INTS6L: variants seen among roughly 807,000 people sequenced by gnomAD.
The protein encoded by INTS6L is integrator complex subunit 6 like, also known as integrator complex subunit 6-like.
Under a neutral mutation model 64.7 loss-of-function variants are expected in INTS6L, and 18 were observed. That is an observed-to-expected ratio of 0.28 (90% CI 0.19 to 0.41). INTS6L has a LOEUF of 0.41. Among genes scored for constraint, INTS6L ranks in the 10% least tolerant of loss-of-function variants. The pLI is 1.00. For synonymous variants in INTS6L, 227 were observed against 235.9 expected (o/e 0.96, Z 0.34); for missense variants, 533 against 661.0 (o/e 0.81, Z 2.12).
intron 2 of INTS6L, among the ~76,000 whole-genome samples, chrX:135,539,599 C>T (rs1468211042): frequency 2.7e-5 from 3 of 112,331 alleles, no homozygotes; most frequent in Admixed American, 1.9e-4. Flanking sequence ...GTATTCACAA[C>T]GTGGCTAACT....
In INTS6L at chrX:135,579,791, C is replaced by G; in HGVS notation, c.2123C>G (p.Ala708Gly). 8.5e-7 allele frequency: 1 copy of G among 1,180,665 alleles called. No individual in the cohort carries two copies. Among genetic ancestry groups the G allele is most frequent in the Non-Finnish European group, 1.1e-6 (1 of 878,547 alleles). Residue 708 changes from alanine to glycine, a missense_variant, in exon 16 of 18, where the codon GCT becomes GGT. Physicochemically the swap from Ala to Gly is moderately conservative, Grantham distance 60. Coordinates refer to ENST00000639893, the MANE Select transcript of INTS6L (RefSeq NM_001351601.3). Reference sequence around the variant, plus strand: ...AACCTCTTCATTTGGTTTCCAGATGCTACTATCATTCACGATGGCCATGAG... The same window carrying G: ...AACCTCTTCATTTGGTTTCCAGATGGTACTATCATTCACGATGGCCATGAG... ...LIKPTLVHTD[A>G]TIIHDGHEEK...
At chrX:135,539,202 T>C (rs2086130740) in intron 2 of INTS6L, among the ~76,000 whole-genome samples, 1 of 112,637 alleles carries the variant, frequency 8.9e-6, no homozygotes, top group Admixed American at 9.4e-5. Flanking sequence ...TCATCTACAT[T>C]GAAAATCTGT....
At chrX:135,523,818 A>G (rs2085657845) in intron 2 of INTS6L, among the ~76,000 whole-genome samples, 1 of 112,196 alleles carries the variant, frequency 8.9e-6, no homozygotes, top group Non-Finnish European at 1.9e-5. Flanking sequence ...CTTATATACT[A>G]CATTTTTTTC....
intron 14 of INTS6L, among the ~76,000 whole-genome samples, chrX:135,576,482 T>C (rs1035080993): frequency 8.9e-5 from 10 of 111,999 alleles, no homozygotes; most frequent in Non-Finnish European, 1.9e-5. Flanking sequence ...AAAAAATCTT[T>C]TGGAAAAGCC....
chrX:135,574,761 G>A (rs1209497284), intron 13 of INTS6L, among the ~76,000 whole-genome samples: 1 of 111,919 alleles, frequency 8.9e-6, no homozygotes, highest in East Asian at 2.8e-4. Flanking sequence ...ATGCCATAGA[G>A]ACTAGACTCT....
Position 135,563,633 on chromosome X carries a change from G to GTA in INTS6L, c.1193-5681_1193-5680dup, listed in dbSNP as rs1221791167. On this transcript the variant is annotated intron_variant, in intron 9 of 17. Coordinates refer to ENST00000639893, the MANE Select transcript of INTS6L (RefSeq NM_001351601.3). ...TATATATCCATATGTGTGTGTGTGT[G>GTA]TATATATATATATATATATATATAG... 1.4e-3 allele frequency among the ~76,000 whole-genome samples: 15 copies of GTA among 10,386 alleles called. 1 individual carries two copies. Among genetic ancestry groups the GTA allele is most frequent in the African/African-American group, 2.6e-3 (14 of 5,431 alleles). The allele number at this position is 10,386 out of a possible 115,157, so 9.0% of individuals were successfully genotyped here.
In INTS6L at chrX:135,553,101, CAT is replaced by C. The variant is rs782564126; in HGVS notation, c.1059+957_1059+958del. On this transcript the variant is annotated intron_variant, in intron 8 of 17. Transcript: ENST00000639893. ...ACAAGAAACAGAATAATCTCACAAA[CAT>C]AATACTGAGCAAAGAAGCTAGACAG... 6.2e-5 allele frequency among the ~76,000 whole-genome samples: 7 copies of C among 112,023 alleles called. No homozygotes were observed. The South Asian group carries it at 2.6e-3, about 41-fold the overall frequency.
At chrX:135,543,490 G>C (rs1372951744) in intron 2 of INTS6L, among the ~76,000 whole-genome samples, 1 of 111,687 alleles carries the variant, frequency 9.0e-6, no homozygotes, top group Non-Finnish European at 1.9e-5. Context: ...CTTTCAGTGA[G>C]AAGCCTTCCC....
At chrX:135,544,930 C>G (rs2086316161) in intron 2 of INTS6L, among the ~76,000 whole-genome samples, 1 of 112,210 alleles carries the variant, frequency 8.9e-6, no homozygotes, top group Admixed American at 9.5e-5. Context: ...TGGCTCTATT[C>G]CTATTACTCC....
chrX:135,568,564 T>G (rs1285978228), intron 9 of INTS6L, among the ~76,000 whole-genome samples: 2 of 111,383 alleles, frequency 1.8e-5, no homozygotes, highest in Non-Finnish European at 3.8e-5. Flanking sequence ...TATTATGTTT[T>G]TTTGAGACAC....
chrX:135,579,791 C>A lies in INTS6L; in HGVS notation c.2123C>A (p.Ala708Asp), dbSNP rs782246423. The change falls in exon 16 of 18, where the codon GCT becomes GAT. Residue 708 changes from alanine (A) to aspartate (D), a missense_variant. By Grantham distance (126) the Ala-to-Asp change is moderately radical (BLOSUM62 -2). Coordinates refer to ENST00000639893, the MANE Select transcript of INTS6L (RefSeq NM_001351601.3). ...AACCTCTTCATTTGGTTTCCAGATG[C>A]TACTATCATTCACGATGGCCATGAG... ...LIKPTLVHTDATIIHDGHEEK... is the reference protein window; with the variant it reads ...LIKPTLVHTDDTIIHDGHEEK... The A allele has an allele frequency of 1.3e-5, 15 of 1,178,845 alleles. No individual in the cohort carries two copies. In the East Asian group the frequency reaches 2.1e-4, roughly 16 times the overall value.
At position 135,581,657 on chromosome X, in the gene INTS6L, A is replaced by C. The variant is rs782642039; in HGVS notation, c.*21A>C. 12 of 1,157,489 alleles carry C rather than the reference A, an allele frequency of 1.0e-5. No individual in the cohort carries two copies. The Middle Eastern group carries it at 2.1e-3, about 207-fold the overall frequency. The stretch of plus-strand genomic sequence containing the variant: ...GTTAGTGCAAAGACCAGTGAGAAAA[A>C]AATGACAAGTTTTCTGTGCTGTAGG... On this transcript the variant is annotated 3_prime_UTR_variant, in exon 18 of 18. Transcript: ENST00000639893.
intron 8 of INTS6L, 120 bp from the exon 9 acceptor site, chrX:135,556,048 T>C: frequency 1.4e-6 from 1 of 737,342 alleles, no homozygotes; most frequent in Non-Finnish European, 1.9e-6. Context: ...AAAACACTAT[T>C]GCTATTTTAA....
chrX:135,543,708 C>A (rs1435404263), intron 2 of INTS6L, among the ~76,000 whole-genome samples: 3 of 112,092 alleles, frequency 2.7e-5, no homozygotes, highest in African/African-American at 9.7e-5. Context: ...TCTCTTCTAC[C>A]CCAAAGAAGA....
At chrX:135,529,771 G>A (rs1197394244) in intron 2 of INTS6L, among the ~76,000 whole-genome samples, 1 of 112,221 alleles carries the variant, frequency 8.9e-6, no homozygotes, top group Non-Finnish European at 1.9e-5. Flanking sequence ...GAACAATCAC[G>A]AAATAGCCTT....
At chrX:135,533,618 A>G (rs782516666) in intron 2 of INTS6L, among the ~76,000 whole-genome samples, 24 of 110,284 alleles carry the variant, frequency 2.2e-4, no homozygotes, top group Non-Finnish European at 2.1e-4. Context: ...TTCTCATGGA[A>G]GAATTTTTCC....
Position 135,581,715 on chromosome X carries a change from T to C in INTS6L, c.*79T>C. 4 of 848,597 alleles carry C rather than the reference T, an allele frequency of 4.7e-6. No homozygotes were observed. Among genetic ancestry groups the C allele is most frequent in the Non-Finnish European group, 6.8e-6 (4 of 592,308 alleles). The allele number at this position is 848,597 out of a possible 1,213,427, so 69.9% of individuals were successfully genotyped here. A position where few individuals can be genotyped will look rare whatever the true frequency, so the allele number is the denominator to read the frequency against. On this transcript the variant is annotated 3_prime_UTR_variant, in exon 18 of 18. Coordinates refer to ENST00000639893, the MANE Select transcript of INTS6L (RefSeq NM_001351601.3). ...AGGATATTGTTGAAGCCTCCTGGAATGTTTGAGTCAAGGGAATTGCTTTCC... is the reference window on the plus strand; with the variant it reads ...AGGATATTGTTGAAGCCTCCTGGAACGTTTGAGTCAAGGGAATTGCTTTCC...
intron 2 of INTS6L, among the ~76,000 whole-genome samples, chrX:135,522,511 G>C (rs1414547255): frequency 8.9e-6 from 1 of 112,015 alleles, no homozygotes; most frequent in Non-Finnish European, 1.9e-5. Flanking sequence ...AGTCCTGCTT[G>C]CATATTGAAA....
chrX:135,556,445 T>C (rs1556519334), intron 9 of INTS6L, 145 bp downstream of exon 9: 3 of 562,779 alleles, frequency 5.3e-6, no homozygotes. Flanking sequence ...GTTTTGTTTG[T>C]TTTCTTTTTG....
Sources: allele counts gnomAD v4.1 joint callset (sites outside exome capture counted in the v4.1 genomes callset), GRCh38; gene constraint gnomAD v4.1.1; transcripts MANE v1.5; gene names NCBI Gene and HGNC (gene_info 2026-07-23, HGNC 2026-07-21).